MGST2: variants seen among roughly 807,000 people sequenced by gnomAD.
MGST2 encodes glutathione peroxidase MGST2.
Under a neutral mutation model 16.6 loss-of-function variants are expected in MGST2, and 9 were observed. The observed-to-expected ratio is 0.54, with a 90% CI of 0.33 to 0.95. The LOEUF (loss-of-function observed/expected upper bound fraction) is 0.95, where lower values mean the gene tolerates loss of function less well. Ranked by LOEUF, MGST2 falls within the 40% of genes least tolerant of loss-of-function variation. MGST2 has a pLI of 0.03. For missense variants in MGST2, 159 were observed against 175.1 expected (o/e 0.91, Z 0.52); for synonymous variants, 79 against 68.0 (o/e 1.16, Z -0.79).
At chr4:139,696,958 T>C (rs535932638) in intron 3 of MGST2, among the ~76,000 whole-genome samples, 34 of 152,182 alleles carry the variant, frequency 2.2e-4, no homozygotes, top group African/African-American at 7.9e-4. Context: ...ACTACTTTTA[T>C]GCCTTCCACG....
chr4:139,749,003 G>A, the MGST2 span, among the ~76,000 whole-genome samples: 4 of 152,234 alleles, frequency 2.6e-5, no homozygotes, highest in East Asian at 7.7e-4. Flanking sequence ...AAGTTCCAGA[G>A]GGCACCTCTT....
intron 3 of MGST2, chr4:139,698,547 C>G (rs1579325440): frequency 1.0e-6 from 1 of 983,032 alleles, no homozygotes; most frequent in South Asian, 1.4e-5. Flanking sequence ...CTGCTTTGTA[C>G]GAGCCATGGT....
chr4:139,738,739 TA>T lies in MGST2; in HGVS notation c.*49-1472del, dbSNP rs146407775. On this transcript the variant is annotated intron_variant, in intron 5 of 5. Transcript: ENST00000616265. ...AGAGAAAAAAAAATGCAGAAAAGTA[TA>T]GATAGAAAAAAAGTATACAGAAAAA... 5.9e-3 allele frequency among the ~76,000 whole-genome samples: 890 copies of T among 150,668 alleles called. 7 individuals carry two copies. Among genetic ancestry groups the T allele is most frequent in the African/African-American group, 0.02 (838 of 41,448 alleles).
intron 5 of MGST2, among the ~76,000 whole-genome samples, chr4:139,712,607 G>C (rs1384318606): frequency 6.6e-6 from 1 of 152,160 alleles, no homozygotes; most frequent in Non-Finnish European, 1.5e-5. Context: ...CCCTGCCATG[G>C]GTTTGTACCC....
At chr4:139,742,469 T>C (rs1363024651), downstream of MGST2, among the ~76,000 whole-genome samples, 2 of 152,204 alleles carry the variant, frequency 1.3e-5, no homozygotes, top group Admixed American at 1.3e-4. Flanking sequence ...TTTCACTCTT[T>C]AATCAGAACT....
rs374148622 is a variant in MGST2 at position 139,666,025 on chromosome 4, C to T, written c.6C>T (p.Ala2=). Residue 2 remains alanine, a synonymous_variant, in exon 1 of 5, where the codon GCC becomes GCT. Coordinates refer to ENST00000265498, the MANE Select transcript of MGST2 (RefSeq NM_002413.5). M[A]GNSILLAAVS... ...CAAATAGTTCCGTGAGAAAGATGGC[C>T]GGGAACTCGATCCTGCTGGCTGCTG... is the stretch of plus-strand genomic sequence containing the variant. The T allele has an allele frequency of 3.7e-5, 60 of 1,613,906 alleles. No homozygotes were observed. The highest frequency in any genetic ancestry group is 4.7e-5 in the Non-Finnish European group (55 of 1,180,008).
intron 5 of MGST2, among the ~76,000 whole-genome samples, chr4:139,709,600 A>G (rs1727663882): frequency 6.6e-6 from 1 of 152,228 alleles, no homozygotes; most frequent in South Asian, 2.1e-4. Context: ...AGTGTTAATG[A>G]TTACATCTAA....
the MGST2 span, among the ~76,000 whole-genome samples, chr4:139,747,855 A>C: frequency 6.6e-6 from 1 of 152,002 alleles, no homozygotes. Flanking sequence ...GGAGTTCGAC[A>C]CAAGCCTGAT....
intron 2 of MGST2, among the ~76,000 whole-genome samples, chr4:139,684,619 A>G (rs1731452521): frequency 6.6e-6 from 1 of 152,170 alleles, no homozygotes; most frequent in African/African-American, 2.4e-5. Flanking sequence ...GAACCCTCAA[A>G]GTATCTGTAG....
At chr4:139,736,937 A>T (rs1728968912) in intron 5 of MGST2, among the ~76,000 whole-genome samples, 1 of 152,170 alleles carries the variant, frequency 6.6e-6, no homozygotes, top group Non-Finnish European at 1.5e-5. Context: ...AATTTTCAAA[A>T]TTTTCAGAGG....
chr4:139,710,789 C>T (rs2110926109), intron 5 of MGST2, among the ~76,000 whole-genome samples: 1 of 152,234 alleles, frequency 6.6e-6, no homozygotes, highest in African/African-American at 2.4e-5. Context: ...TGACTTTATT[C>T]TGTGGCCTAC....
the MGST2 span, among the ~76,000 whole-genome samples, chr4:139,753,968 G>T: frequency 2.6e-5 from 4 of 152,188 alleles, no homozygotes; most frequent in Non-Finnish European, 4.4e-5. Context: ...AGGGGTAAGA[G>T]TTAATGAAAA....
chr4:139,701,374 G>C (rs1727239623), intron 3 of MGST2, among the ~76,000 whole-genome samples: 3 of 151,982 alleles, frequency 2.0e-5, no homozygotes, highest in African/African-American at 7.3e-5. Flanking sequence ...CCCTGGGAAG[G>C]GTCCACCAGC....
chr4:139,669,237 T>C (rs1730534863), intron 1 of MGST2, among the ~76,000 whole-genome samples: 1 of 152,068 alleles, frequency 6.6e-6, no homozygotes, highest in South Asian at 2.1e-4. Context: ...ATTTTATTTT[T>C]GGTTTACAAA....
Position 139,719,792 on chromosome 4 carries a change from T to C in MGST2, c.*48+15596T>C. On this transcript the variant is annotated intron_variant, in intron 5 of 5. Coordinates refer to the MGST2 transcript ENST00000616265. ...TTGAAGAGGGTAGCTGGCGCCATTG[T>C]TGAATGGTCCCAATTCTCCACTAGT... The C allele has an allele frequency of 1.9e-6, 3 of 1,613,636 alleles. No homozygotes were observed. In the East Asian group the frequency reaches 6.7e-5, roughly 36 times the overall value.
chr4:139,728,681 A>G (rs1459676191), intron 5 of MGST2, among the ~76,000 whole-genome samples: 1 of 152,128 alleles, frequency 6.6e-6, no homozygotes, highest in African/African-American at 2.4e-5. Flanking sequence ...TGTCTTTCCC[A>G]AGAAGCCCCA....
At chr4:139,706,617 C>T (rs1237246731), downstream of MGST2, among the ~76,000 whole-genome samples, 1 of 152,108 alleles carries the variant, frequency 6.6e-6, no homozygotes, top group Admixed American at 6.6e-5. Flanking sequence ...AATCTTACAA[C>T]TGAAGATTTT....
chr4:139,722,585 T>C (rs1446042659), intron 5 of MGST2, among the ~76,000 whole-genome samples: 1 of 152,188 alleles, frequency 6.6e-6, no homozygotes, highest in African/African-American at 2.4e-5. Context: ...GATGATAGTA[T>C]CCAACTTTTT....
the MGST2 span, among the ~76,000 whole-genome samples, chr4:139,748,124 C>T: frequency 7.0e-6 from 1 of 143,866 alleles, no homozygotes; most frequent in African/African-American, 2.6e-5. Context: ...GATGGGAAAA[C>T]AAATTCACAG....
Sources: gnomAD v4.1 joint callset for allele counts (sites outside exome capture counted in the v4.1 genomes callset) on GRCh38, gnomAD v4.1.1 for gene constraint, MANE v1.5 for transcripts, NCBI Gene and HGNC (gene_info 2026-07-23, HGNC 2026-07-21) for gene names.